RAPGEF2: variants seen among roughly 807,000 people sequenced by gnomAD.
The protein encoded by RAPGEF2 is PDZ domain containing guanine nucleotide exchange factor (GEF) 1.
In RAPGEF2, 54 loss-of-function variants were observed where a neutral mutation model predicts 186.7. That is an observed-to-expected ratio of 0.29 (90% CI 0.23 to 0.36). The LOEUF (loss-of-function observed/expected upper bound fraction) is 0.36. Ranked by LOEUF, RAPGEF2 falls within the 10% of genes least tolerant of loss-of-function variation. The probability of loss-of-function intolerance (pLI) is 1.00; values close to 1 mark genes in which losing one functional copy is unlikely to be tolerated. For synonymous variants in RAPGEF2, 712 were observed against 705.9 expected, an observed-to-expected ratio of 1.01 and a Z score of -0.14; for missense variants, 1,532 against 2,045.0, an observed-to-expected ratio of 0.75 and a Z score of 4.84.
chr4:159,209,555 G>A (rs1270666190), intron 3 of RAPGEF2, among the ~76,000 whole-genome samples: 3 of 152,148 alleles, frequency 2.0e-5, no homozygotes, highest in African/African-American at 7.2e-5. Flanking sequence ...CTCCGTGAGG[G>A]CAGGGATCTT....
At chr4:159,191,439 T>C (rs1015644163) in intron 2 of RAPGEF2, among the ~76,000 whole-genome samples, 45 of 151,882 alleles carry the variant, frequency 3.0e-4, no homozygotes, top group Non-Finnish European at 2.9e-5. Flanking sequence ...AAAATAGAGA[T>C]AGAATATATA....
At chr4:159,350,061 AAG>A (rs1325054003) in intron 25 of RAPGEF2, 74 bp from the exon 26 acceptor site, 2 of 1,015,310 alleles carry the variant, frequency 2.0e-6, no homozygotes, top group African/African-American at 3.3e-5. Context: ...TAACACAAAA[AAG>A]TTTTTTATTC....
chr4:159,115,078 T>A (rs987024410), intron 1 of RAPGEF2, among the ~76,000 whole-genome samples: 1 of 152,168 alleles, frequency 6.6e-6, no homozygotes, highest in Non-Finnish European at 1.5e-5. Context: ...TGCCTTTACA[T>A]TTAGGTTATA....
chr4:159,326,225 A>G (rs6857361), intron 11 of RAPGEF2, among the ~76,000 whole-genome samples: 19 of 152,302 alleles, frequency 1.2e-4, no homozygotes, highest in African/African-American at 4.3e-4. Flanking sequence ...TTAAAATGTC[A>G]TATAACTGTC....
At chr4:159,192,948 C>T (rs1281702191) in intron 2 of RAPGEF2, among the ~76,000 whole-genome samples, 1 of 152,080 alleles carries the variant, frequency 6.6e-6, no homozygotes, top group Non-Finnish European at 1.5e-5. Context: ...AATGTTCTTC[C>T]CCATAAAATA....
intron 3 of RAPGEF2, among the ~76,000 whole-genome samples, chr4:159,207,451 G>A (rs1750104811): frequency 6.6e-6 from 1 of 152,206 alleles, no homozygotes; most frequent in African/African-American, 2.4e-5. Flanking sequence ...AGAGTTGACA[G>A]ACATGAAATA....
intron 1 of RAPGEF2, among the ~76,000 whole-genome samples, chr4:159,166,920 ATG>A (rs1369320099): frequency 6.6e-6 from 1 of 152,162 alleles, no homozygotes; most frequent in Non-Finnish European, 1.5e-5. Flanking sequence ...ATGCTGCATG[ATG>A]TGCCTGTGTA....
At chr4:159,175,306 TG>T (rs200862531) in intron 1 of RAPGEF2, among the ~76,000 whole-genome samples, 1 of 150,922 alleles carries the variant, frequency 6.6e-6, no homozygotes, top group African/African-American at 2.4e-5. Flanking sequence ...ATTTTTTTTT[TG>T]AAAACCATAC....
At chr4:159,232,779 A>AT (rs916177054) in intron 4 of RAPGEF2, among the ~76,000 whole-genome samples, 118 of 151,918 alleles carry the variant, frequency 7.8e-4, no homozygotes, top group African/African-American at 2.6e-3. Context: ...CCTCCACATT[A>AT]TTTTTTTTCT....
chr4:159,299,353 T>G (rs1375739818), intron 7 of RAPGEF2, among the ~76,000 whole-genome samples: 3 of 152,076 alleles, frequency 2.0e-5, no homozygotes, highest in African/African-American at 7.2e-5. Flanking sequence ...TATTTTTTTG[T>G]TTTTAACTAT....
rs768834451 is a variant in RAPGEF2 at position 159,343,104 on chromosome 4, G to A, written c.3044G>A (p.Arg1015His). The A allele has an allele frequency of 6.2e-7, 1 of 1,613,962 alleles. No homozygotes were observed. The highest frequency in any genetic ancestry group is 1.1e-5 in the South Asian group (1 of 91,080). Residue 1015 changes from arginine (R) to histidine (H), a missense_variant, in exon 21 of 30, where the codon CGT becomes CAT. Arg to His is a conservative substitution (Grantham distance 29). Around this residue, in one of 4 missense-constraint regions of RAPGEF2, gnomAD observed 11 missense variants for 45.2 expected, o/e 0.24. Coordinates refer to ENST00000691494, the MANE Select transcript of RAPGEF2 (RefSeq NM_001394067.2). ...FDPSRNMAKY[R>H]NVLNSQNLQP... ...CCTTCCAGAAACATGGCAAAATATC[G>A]TAATGTTCTCAATAGTCAAAATCTA...
chr4:159,261,761 G>A (rs1756905162), intron 7 of RAPGEF2, among the ~76,000 whole-genome samples: 1 of 152,122 alleles, frequency 6.6e-6, no homozygotes. Context: ...ATTATATTAA[G>A]ATTTTGGGGA....
At chr4:159,158,502 C>T (rs968938812) in intron 1 of RAPGEF2, among the ~76,000 whole-genome samples, 2 of 152,290 alleles carry the variant, frequency 1.3e-5, no homozygotes, top group Admixed American at 6.5e-5. Flanking sequence ...AAAAAATTTC[C>T]TACCCAAATC....
At chr4:159,121,490 T>C (rs548632500) in intron 1 of RAPGEF2, among the ~76,000 whole-genome samples, 3 of 152,174 alleles carry the variant, frequency 2.0e-5, no homozygotes, top group Admixed American at 2.0e-4. Context: ...CCTCAGCCTC[T>C]GAATAGCTGG....
chr4:159,161,218 T>G (rs1305794037), intron 1 of RAPGEF2, among the ~76,000 whole-genome samples: 2 of 152,258 alleles, frequency 1.3e-5, no homozygotes, highest in African/African-American at 4.8e-5. Context: ...ATTACAATTG[T>G]TAGTAAAATT....
rs533998587 is a variant in RAPGEF2, at chr4:159,236,909, A to C, written c.282-1900A>C. Reference sequence around the variant, plus strand: ...GTTCCTGGCAAATGTTTTCACTTAAAAGTACTCTAATGTGTATGTTTGTGT... The same window carrying C: ...GTTCCTGGCAAATGTTTTCACTTAACAGTACTCTAATGTGTATGTTTGTGT... On this transcript the variant is annotated intron_variant, in intron 4 of 29. Coordinates refer to ENST00000691494, the MANE Select transcript of RAPGEF2 (RefSeq NM_001394067.2). 1.9e-4 allele frequency among the ~76,000 whole-genome samples: 29 copies of C among 152,340 alleles called. 1 individual carries two copies. The East Asian group carries it at 4.8e-3, about 25-fold the overall frequency.
intron 3 of RAPGEF2, among the ~76,000 whole-genome samples, chr4:159,210,263 A>G (rs1750391673): frequency 1.3e-5 from 2 of 152,236 alleles, no homozygotes; most frequent in Non-Finnish European, 2.9e-5. Context: ...CTATAGGTCT[A>G]AGGAACATTT....
intron 7 of RAPGEF2, among the ~76,000 whole-genome samples, chr4:159,245,584 T>G (rs993263809): frequency 7.2e-5 from 11 of 152,050 alleles, no homozygotes; most frequent in African/African-American, 2.4e-4. Flanking sequence ...ACCCATAGTT[T>G]CAAGCCTTCT....
At chr4:159,309,441 A>G (rs1188654462) in intron 8 of RAPGEF2, among the ~76,000 whole-genome samples, 1 of 152,096 alleles carries the variant, frequency 6.6e-6, no homozygotes, top group Non-Finnish European at 1.5e-5. Context: ...GTGCCAGGAA[A>G]TTTTAGGCAT....
Sources: allele counts gnomAD v4.1 joint callset (sites outside exome capture counted in the v4.1 genomes callset), GRCh38; gene constraint gnomAD v4.1.1; regional missense constraint gnomAD v4.1.1; transcripts MANE v1.5; gene names NCBI Gene and HGNC (gene_info 2026-07-23, HGNC 2026-07-21).